The following ZNF827 variants were observed in gnomAD, a reference collection of about 807,000 sequenced individuals.
ZNF827 encodes zinc finger protein 827.
A neutral mutation model predicts 102.4 loss-of-function variants in ZNF827; 13 were observed. The ratio of observed to expected loss-of-function variants is 0.13; its 90% CI spans 0.08 to 0.20. The LOEUF is 0.20. Ranked by LOEUF, ZNF827 falls within the 10% of genes least tolerant of loss-of-function variation. The pLI is 1.00. For missense variants in ZNF827, 1,103 were observed against 1,344.4 expected (o/e 0.82, Z 2.81); for synonymous variants, 523 against 536.2 (o/e 0.98, Z 0.34).
At chr4:145,771,514 G>A (rs1410051126) in intron 11 of ZNF827, among the ~76,000 whole-genome samples, 59 of 152,196 alleles carry the variant, frequency 3.9e-4, no homozygotes, top group Non-Finnish European at 4.4e-5. Context: ...AGAAATTGCA[G>A]CAAAATTTGC....
Position 145,856,985 on chromosome 4 carries a change from G to GCGCACACACA in ZNF827, c.1982-7425_1982-7424insTGTGTGTGCG, listed in dbSNP as rs140194085. Among the ~76,000 whole-genome samples the GCGCACACACA allele has an allele frequency of 4.8e-3, 676 of 140,150 alleles. 2 individuals are homozygous for GCGCACACACA. Among genetic ancestry groups the GCGCACACACA allele is most frequent in the African/African-American group, 0.015 (559 of 38,072 alleles). The allele number at this position is 140,150 out of a possible 152,430, so 91.9% of individuals were successfully genotyped here. A position where few individuals can be genotyped will look rare whatever the true frequency, so the allele number is the denominator to read the frequency against. ...CTCGCTCATGCGCGCGCACGCGCAC[G>GCGCACACACA]CACACACACACACACACACACACAC... On this transcript the variant is annotated intron_variant, in intron 5 of 14. Transcript: ENST00000508784.
intron 8 of ZNF827, among the ~76,000 whole-genome samples, chr4:145,784,836 T>C (rs1447585652): frequency 6.6e-6 from 1 of 152,224 alleles, no homozygotes; most frequent in Admixed American, 6.5e-5. Context: ...TTTGAAATAC[T>C]TGTCTAATGG....
chr4:145,926,006 C>T (rs1753393204), intron 1 of ZNF827, among the ~76,000 whole-genome samples: 1 of 152,214 alleles, frequency 6.6e-6, no homozygotes, highest in Non-Finnish European at 1.5e-5. Flanking sequence ...TTCTGATTAG[C>T]ACTTCATAAG....
intron 3 of ZNF827, 47 bp from the exon 4 acceptor site, chr4:145,886,205 A>T (rs762126995): frequency 2.6e-6 from 4 of 1,538,154 alleles, no homozygotes; most frequent in Middle Eastern, 1.8e-4. Flanking sequence ...GCATTTATGG[A>T]AAATGCCTTG....
At chr4:145,836,296 G>A (rs954554974) in intron 7 of ZNF827, among the ~76,000 whole-genome samples, 8 of 151,796 alleles carry the variant, frequency 5.3e-5, no homozygotes, top group Non-Finnish European at 1.0e-4. Flanking sequence ...GGTTAGCGCG[G>A]TCAGAATTCT....
At chr4:145,905,924 A>C (rs1299358258) in intron 1 of ZNF827, among the ~76,000 whole-genome samples, 2 of 152,344 alleles carry the variant, frequency 1.3e-5, no homozygotes, top group East Asian at 3.9e-4. Flanking sequence ...CTTTTAGGTC[A>C]TATGTGTGTC....
At chr4:145,870,965 C>G (rs1479766608) in intron 4 of ZNF827, among the ~76,000 whole-genome samples, 1 of 152,162 alleles carries the variant, frequency 6.6e-6, no homozygotes, top group Non-Finnish European at 1.5e-5. Context: ...AAAGCTCAGA[C>G]TAGAGATAGA....
rs200202481 is a variant in ZNF827, at chr4:145,902,582, T to C, written c.677A>G (p.Lys226Arg). ...GGTCTCCTCAGTCCTGGTGAGAGAT[T>C]TGTCCTGCAGAACGGCATTGGCTGC... ...KAAANAVLQD[K>R]SLTRTEETMR... Residue 226 changes from lysine to arginine, a missense_variant, in exon 2 of 15, where the codon AAA becomes AGA. Transcript: ENST00000508784. This position sits in a 1 kb window ranked among gnomAD's most constrained non-coding sequence, Gnocchi z 4.3. 1.2e-4 allele frequency: 190 copies of C among 1,613,826 alleles called. 1 individual carries two copies. The highest frequency in any genetic ancestry group is 1.5e-4 in the Non-Finnish European group (182 of 1,179,880).
At chr4:145,857,433 T>A (rs529379648) in intron 5 of ZNF827, among the ~76,000 whole-genome samples, 160 of 152,322 alleles carry the variant, frequency 1.1e-3, no homozygotes, top group African/African-American at 3.7e-3. Context: ...CGTAGATTTT[T>A]AAATTAGTCT....
intron 7 of ZNF827, chr4:145,839,018 G>A (rs1030652784): frequency 1.3e-5 from 2 of 152,186 alleles, no homozygotes; most frequent in African/African-American, 4.8e-5. Context: ...AGTTTCAGAA[G>A]TCTGAAAGCT....
intron 8 of ZNF827, among the ~76,000 whole-genome samples, chr4:145,822,264 G>C (rs1743211573): frequency 6.6e-6 from 1 of 152,228 alleles, no homozygotes; most frequent in Non-Finnish European, 1.5e-5. Context: ...TTCTTTGGCT[G>C]AATGTGGGGA....
At chr4:145,838,820 G>A (rs1745135352) in intron 7 of ZNF827, among the ~76,000 whole-genome samples, 1 of 152,110 alleles carries the variant, frequency 6.6e-6, no homozygotes, top group Non-Finnish European at 1.5e-5. Flanking sequence ...TTTTCTTTAT[G>A]TGCTCCTATA....
At chr4:145,848,891 C>A (rs1197842386) in intron 6 of ZNF827, among the ~76,000 whole-genome samples, 1 of 152,112 alleles carries the variant, frequency 6.6e-6, no homozygotes. Flanking sequence ...TTTGTTTTGG[C>A]AAGATACAAT....
rs1185808382 is a variant in ZNF827 at position 145,761,156 on chromosome 4, GACA to G, written c.*457_*459del. Reference sequence around the variant, plus strand: ...GGGCCGGCCGGTTCCTTGGGGGCTGGACACAGGCCCTTCTTGTCCTCCTCGGGG... The same window carrying G: ...GGGCCGGCCGGTTCCTTGGGGGCTGGCAGGCCCTTCTTGTCCTCCTCGGGG... On this transcript the variant is annotated 3_prime_UTR_variant, in exon 15 of 15. Transcript: ENST00000508784. The surrounding 1 kb of genome is among the most constrained non-coding windows in gnomAD (Gnocchi z 6.8). 7.8e-7 allele frequency: 1 copy of G among 1,289,744 alleles called. No individual in the cohort carries two copies. The highest frequency in any genetic ancestry group is 1.0e-6 in the Non-Finnish European group (1 of 988,886). 79.9% of individuals were successfully genotyped at this position (1,289,744 alleles called of 1,614,324 possible). A position where few individuals can be genotyped will look rare whatever the true frequency, so the allele number is the denominator to read the frequency against.
At chr4:145,850,281 A>T (rs1004238828) in intron 5 of ZNF827, among the ~76,000 whole-genome samples, 1 of 152,162 alleles carries the variant, frequency 6.6e-6, no homozygotes, top group African/African-American at 2.4e-5. Flanking sequence ...AAGTGCTGGG[A>T]TTACAGGCAT....
chr4:145,773,772 G>A (rs1736634589), intron 11 of ZNF827, among the ~76,000 whole-genome samples: 1 of 152,196 alleles, frequency 6.6e-6, no homozygotes, highest in Non-Finnish European at 1.5e-5. Flanking sequence ...AGGAGAATCT[G>A]GTTTTCTTTG....
chr4:145,879,015 A>T lies in ZNF827; in HGVS notation c.1747+6663T>A, dbSNP rs138422020. Among the ~76,000 whole-genome samples, 9 of 152,278 alleles carry T rather than the reference A, an allele frequency of 5.9e-5. No homozygotes were observed. In the East Asian group the frequency reaches 9.7e-4, roughly 16 times the overall value. On this transcript the variant is annotated intron_variant, in intron 4 of 14. Transcript: ENST00000508784. ...TTTTGAAGACACAAAAAATTTAACT[A>T]GATTAGTGACTGAAAGTGCATGCAT...
intron 7 of ZNF827, among the ~76,000 whole-genome samples, chr4:145,826,807 C>T (rs376439483): frequency 4.6e-5 from 7 of 152,004 alleles, no homozygotes; most frequent in Admixed American, 6.6e-5. Context: ...AGTGCAATGG[C>T]GCAATCTTGG....
intron 11 of ZNF827, among the ~76,000 whole-genome samples, chr4:145,773,452 T>A (rs1426085436): frequency 1.3e-5 from 2 of 152,172 alleles, no homozygotes; most frequent in African/African-American, 4.8e-5. Flanking sequence ...GTCAGGGAAA[T>A]TCCCCTTCCC....
Sources: gnomAD v4.1 joint callset for allele counts (sites outside exome capture counted in the v4.1 genomes callset) on GRCh38, gnomAD v4.1.1 for gene constraint, Gnocchi (gnomAD v3.1) non-coding constraint, MANE v1.5 for transcripts, NCBI Gene and HGNC (gene_info 2026-07-23, HGNC 2026-07-21) for gene names.